The following MAP2K5 variants were observed in gnomAD, a reference collection of about 807,000 sequenced individuals.
MAP2K5 encodes dual specificity mitogen-activated protein kinase kinase 5.
MAP2K5 carries 49 observed loss-of-function variants against 83.1 expected under a neutral mutation model. That is an observed-to-expected ratio of 0.59 (90% confidence interval 0.47 to 0.75). MAP2K5 has a LOEUF of 0.75. Ranked by LOEUF, MAP2K5 falls within the 30% of genes least tolerant of loss-of-function variation. The probability of loss-of-function intolerance (pLI) is 0.00; values close to 1 mark genes in which losing one functional copy is unlikely to be tolerated. For missense variants in MAP2K5, 457 were observed against 557.5 expected (o/e 0.82, Z 1.82); for synonymous variants, 202 against 191.8 (o/e 1.05, Z -0.44).
chr15:67,598,205 CA>C (rs529764590), intron 7 of MAP2K5, among the ~76,000 whole-genome samples: 113 of 130,430 alleles, frequency 8.7e-4, no homozygotes, highest in Non-Finnish European at 1.2e-3. Flanking sequence ...ACTTCATCTC[CA>C]AAAAAAAAAA....
At chr15:67,685,692 A>G (rs1161709608) in intron 13 of MAP2K5, among the ~76,000 whole-genome samples, 1 of 152,272 alleles carries the variant, frequency 6.6e-6, no homozygotes, top group East Asian at 1.9e-4. Context: ...TTTGTACATT[A>G]TAAATGAAAT....
At chr15:67,655,885 G>A (rs758641324) in intron 11 of MAP2K5, among the ~76,000 whole-genome samples, 4 of 151,898 alleles carry the variant, frequency 2.6e-5, no homozygotes, top group Non-Finnish European at 4.4e-5. Context: ...ACAGGTCTCC[G>A]AGAATGTGTT....
chr15:67,654,889 C>T (rs1014678847), intron 11 of MAP2K5, among the ~76,000 whole-genome samples: 4 of 151,790 alleles, frequency 2.6e-5, no homozygotes, highest in East Asian at 1.9e-4. Context: ...GGTGAAACCT[C>T]GTCTCTCCTA....
rs572091785 is a variant in MAP2K5 at position 67,640,130 on chromosome 15, G to A, written c.586-6101G>A. 6.6e-6 allele frequency among the ~76,000 whole-genome samples: 1 copy of A among 152,248 alleles called. No individual in the cohort carries two copies. The highest frequency in any genetic ancestry group is 2.1e-4 in the South Asian group (1 of 4,826). The stretch of plus-strand genomic sequence containing the variant: ...CTTATTTATCTTCTTGCCTTACTCC[G>A]TGATTCCTGCAGATCCTTGCATATA... On this transcript the variant is annotated intron_variant, in intron 9 of 21. Transcript: ENST00000178640. The surrounding 1 kb of genome is among the most constrained non-coding windows in gnomAD (Gnocchi z 4.6).
In MAP2K5 at chr15:67,565,589, C is replaced by G. The variant is rs2084820657; in HGVS notation, c.252+2239C>G. Among the ~76,000 whole-genome samples the G allele has an allele frequency of 6.6e-6, 1 of 152,206 alleles. No homozygotes were observed. The highest frequency in any genetic ancestry group is 3.4e-3 in the Middle Eastern group (1 of 294). On this transcript the variant is annotated intron_variant, in intron 3 of 21. Transcript: ENST00000178640. The surrounding 1 kb of genome is among the most constrained non-coding windows in gnomAD (Gnocchi z 4.1). ...TTATATAATACCTTAGTTGTGATTT[C>G]TGCACCATGTATTCCTTACAGCATA... is the stretch of plus-strand genomic sequence containing the variant.
rs1386095606 is a variant in MAP2K5 at position 67,719,349 on chromosome 15, A to T, written c.1045-8567A>T. ...AGAAACAAGCAAACCAGGCACCTCC[A>T]GGTTGACCAGTCTCCAGGAGAGATC... On this transcript the variant is annotated intron_variant, in intron 16 of 21. Transcript: ENST00000178640. This position sits in a 1 kb window ranked among gnomAD's most constrained non-coding sequence, Gnocchi z 4.6. Among the ~76,000 whole-genome samples the T allele has an allele frequency of 6.6e-6, 1 of 152,212 alleles. No individual in the cohort carries two copies. Among genetic ancestry groups the T allele is most frequent in the East Asian group, 1.9e-4 (1 of 5,198 alleles).
At chr15:67,560,196 T>A (rs2084705714) in intron 2 of MAP2K5, among the ~76,000 whole-genome samples, 1 of 152,224 alleles carries the variant, frequency 6.6e-6, no homozygotes, top group Non-Finnish European at 1.5e-5. Flanking sequence ...TAGAGAGAAG[T>A]GCATTTTTGC....
chr15:67,794,638 GAAAA>G lies in MAP2K5; in HGVS notation c.1243-11992_1243-11989del, dbSNP rs61493121. Among the ~76,000 whole-genome samples, 1 of 116,492 alleles carries G rather than the reference GAAAA, an allele frequency of 8.6e-6. No individual in the cohort carries two copies. The allele number at this position is 116,492 out of a possible 152,430, so 76.4% of individuals were successfully genotyped here. On this transcript the variant is annotated intron_variant, in intron 21 of 21. Coordinates refer to ENST00000178640, the MANE Select transcript of MAP2K5 (RefSeq NM_145160.3). This position sits in a 1 kb window ranked among gnomAD's most constrained non-coding sequence, Gnocchi z 4.6. ...CGGGTAACTCTGGAACATCACAGCT[GAAAA>G]AAAAAAAAAAAAAAAGACGGTACTT...
chr15:67,641,396 C>A (rs1056877749), intron 9 of MAP2K5: 14 of 616,494 alleles, frequency 2.3e-5, no homozygotes, highest in Admixed American at 1.3e-4. Context: ...TGAATTAAAA[C>A]AGAATAGCAG....
intron 21 of MAP2K5, among the ~76,000 whole-genome samples, chr15:67,799,006 T>A (rs892841761): frequency 2.0e-5 from 3 of 152,100 alleles, no homozygotes; most frequent in African/African-American, 7.2e-5. Context: ...CCATCTCTAC[T>A]AAAAATACAA....
In MAP2K5 at chr15:67,764,460, C is replaced by T. The variant is rs2090005131; in HGVS notation, c.1135-5142C>T. On this transcript the variant is annotated intron_variant, in intron 19 of 21. Coordinates refer to ENST00000178640, the MANE Select transcript of MAP2K5 (RefSeq NM_145160.3). This position sits in a 1 kb window ranked among gnomAD's most constrained non-coding sequence, Gnocchi z 4.9. ...GCCAAACTGAACCAAAACCTCAGTGCCCTCCTGTTCATCCTGAGTGCCCAG... is the reference window on the plus strand; with the variant it reads ...GCCAAACTGAACCAAAACCTCAGTGTCCTCCTGTTCATCCTGAGTGCCCAG... 6.6e-6 allele frequency among the ~76,000 whole-genome samples: 1 copy of T among 152,166 alleles called. No individual in the cohort carries two copies. The highest frequency in any genetic ancestry group is 2.4e-5 in the African/African-American group (1 of 41,440).
intron 13 of MAP2K5, among the ~76,000 whole-genome samples, chr15:67,691,905 A>G (rs2088123700): frequency 6.6e-6 from 1 of 152,272 alleles, no homozygotes; most frequent in South Asian, 2.1e-4. Context: ...CACATCTTTT[A>G]GATAAATTTC....
chr15:67,711,514 C>T (rs557272145), intron 16 of MAP2K5, among the ~76,000 whole-genome samples: 5 of 152,328 alleles, frequency 3.3e-5, no homozygotes, highest in African/African-American at 9.6e-5. Context: ...AAGCCATTAT[C>T]CCCTCTCTTT....
intron 17 of MAP2K5, among the ~76,000 whole-genome samples, chr15:67,734,918 G>A (rs2089304924): frequency 6.6e-6 from 1 of 152,084 alleles, no homozygotes; most frequent in Non-Finnish European, 1.5e-5. Context: ...CACTATGCAT[G>A]CAATTTTTTT....
chr15:67,594,681 G>A (rs985582699), intron 7 of MAP2K5, among the ~76,000 whole-genome samples: 2 of 152,106 alleles, frequency 1.3e-5, no homozygotes, highest in Non-Finnish European at 2.9e-5. Flanking sequence ...GGTTGTCCTG[G>A]CAAGGATTTT....
intron 17 of MAP2K5, among the ~76,000 whole-genome samples, chr15:67,740,848 C>T (rs943955525): frequency 5.3e-5 from 8 of 151,870 alleles, no homozygotes; most frequent in Admixed American, 1.3e-4. Context: ...GCCAACATGG[C>T]GAAACCCCGT....
intron 19 of MAP2K5, among the ~76,000 whole-genome samples, chr15:67,759,833 T>G (rs2089915435): frequency 6.6e-6 from 1 of 152,050 alleles, no homozygotes; most frequent in African/African-American, 2.4e-5. Context: ...CACAAACAGG[T>G]TTTTGTGATG....
At chr15:67,745,844 CTG>C (rs1265665710) in intron 17 of MAP2K5, among the ~76,000 whole-genome samples, 3 of 152,162 alleles carry the variant, frequency 2.0e-5, no homozygotes, top group East Asian at 3.8e-4. Context: ...CATTGTGTAA[CTG>C]TTAAAAAGTA....
At chr15:67,744,834 C>T (rs1030223235) in intron 17 of MAP2K5, among the ~76,000 whole-genome samples, 36 of 149,888 alleles carry the variant, frequency 2.4e-4, no homozygotes, top group Middle Eastern at 6.9e-3. Flanking sequence ...TTTCTAATTG[C>T]TAATGATGGT....
Sources: gnomAD v4.1 joint callset for allele counts (sites outside exome capture counted in the v4.1 genomes callset) on GRCh38, gnomAD v4.1.1 for gene constraint, Gnocchi (gnomAD v3.1) non-coding constraint, MANE v1.5 for transcripts, NCBI Gene and HGNC (gene_info 2026-07-23, HGNC 2026-07-21) for gene names.